Variants in APBB2 observed in about 807,000 individuals in gnomAD.
APBB2 encodes Fe65-like 1.
In APBB2, 38 loss-of-function variants were observed where a neutral mutation model predicts 82.5. The observed-to-expected ratio is 0.46, with a 90% CI of 0.36 to 0.60. The LOEUF (loss-of-function observed/expected upper bound fraction) is 0.60, where lower values mean the gene tolerates loss of function less well. APBB2 is among the 20% of genes least tolerant of loss of function. The pLI is 0.00. For synonymous variants in APBB2, 341 were observed against 368.2 expected, an observed-to-expected ratio of 0.93 and a Z score of 0.85; for missense variants, 772 against 972.3, an observed-to-expected ratio of 0.79 and a Z score of 2.74.
In APBB2 at chr4:40,832,705, T is replaced by C. The variant is rs1048795197; in HGVS notation, c.1530-2128A>G. Among the ~76,000 whole-genome samples, 2 of 152,104 alleles carry C rather than the reference T, an allele frequency of 1.3e-5. 1 individual carries two copies. Among genetic ancestry groups the C allele is most frequent in the South Asian group, 4.1e-4 (2 of 4,826 alleles). On this transcript the variant is annotated intron_variant, in intron 12 of 17. Transcript: ENST00000508593. This position sits in a 1 kb window ranked among gnomAD's most constrained non-coding sequence, Gnocchi z 4.8. ...TGAAGATGGGTGAGAGCCTGGAAGG[T>C]TCCTCGCACACACAGTACATACACG...
At chr4:40,935,056 A>C (rs1205952465) in intron 8 of APBB2, 21 bp downstream of exon 8, 3 of 1,506,442 alleles carry the variant, frequency 2.0e-6, no homozygotes, top group Admixed American at 4.1e-5. Flanking sequence ...TAAATGATCT[A>C]AGATCTGACA....
At chr4:41,146,424 G>T (rs528802751) in intron 1 of APBB2, among the ~76,000 whole-genome samples, 7 of 151,800 alleles carry the variant, frequency 4.6e-5, no homozygotes, top group African/African-American at 1.7e-4. Context: ...ATCCTGGGCG[G>T]TTGAGGCTGC....
At chr4:40,937,809 T>C (rs1338119424) in intron 7 of APBB2, among the ~76,000 whole-genome samples, 1 of 152,246 alleles carries the variant, frequency 6.6e-6, no homozygotes, top group East Asian at 1.9e-4. Flanking sequence ...TTTTAAGAAT[T>C]ACATGGTCTA....
At position 40,827,024 on chromosome 4, in the gene APBB2, G is replaced by A. The variant is rs906987821; in HGVS notation, c.1732+108C>T. On this transcript the variant is annotated intron_variant, in intron 14 of 17. Transcript: ENST00000508593. ...GCTCAACTTGTGCTTACTGAGTTGA[G>A]TGTGCTCTTTAAGGAGACTTGAAAT... 4 of 979,792 alleles carry A rather than the reference G, an allele frequency of 4.1e-6. No individual in the cohort carries two copies. The African/African-American group carries it at 4.9e-5, about 12-fold the overall frequency. The allele number at this position is 979,792 out of a possible 1,614,324, so 60.7% of individuals were successfully genotyped here.
chr4:41,071,253 T>C (rs1210495652), intron 3 of APBB2, among the ~76,000 whole-genome samples: 3 of 152,236 alleles, frequency 2.0e-5, no homozygotes, highest in African/African-American at 7.2e-5. Flanking sequence ...GCAACAATTT[T>C]TAATAGAAAG....
chr4:41,174,452 G>A (rs890018074), intron 1 of APBB2, among the ~76,000 whole-genome samples: 2 of 152,036 alleles, frequency 1.3e-5, no homozygotes, highest in African/African-American at 4.8e-5. Flanking sequence ...GAACATGACT[G>A]ATGTTTGAGC....
chr4:40,824,075 C>T (rs1748993847), intron 15 of APBB2, among the ~76,000 whole-genome samples: 1 of 152,118 alleles, frequency 6.6e-6, no homozygotes, highest in African/African-American at 2.4e-5. Flanking sequence ...TTGCTTGAAC[C>T]CAGGAGGCGG....
At chr4:41,145,271 G>T (rs1330349045) in intron 1 of APBB2, among the ~76,000 whole-genome samples, 2 of 152,170 alleles carry the variant, frequency 1.3e-5, no homozygotes, top group African/African-American at 4.8e-5. Context: ...TTTACACTGG[G>T]GCCTTGGCAA....
intron 16 of APBB2, 139 bp from the exon 17 acceptor site, chr4:40,822,189 C>A (rs1367198097): frequency 4.0e-6 from 4 of 988,952 alleles, no homozygotes; most frequent in Non-Finnish European, 6.0e-6. Context: ...AAAGGCGGAA[C>A]CTTGCCCAAA....
chr4:40,929,437 C>T (rs1229282652), intron 10 of APBB2, among the ~76,000 whole-genome samples: 2 of 152,146 alleles, frequency 1.3e-5, no homozygotes, highest in Non-Finnish European at 2.9e-5. Flanking sequence ...GTAGCTGGCA[C>T]TACAGGCACC....
rs1206019924 is a variant in APBB2 at position 40,890,371 on chromosome 4, T to C, written c.1522A>G (p.Asn508Asp). 1 of 1,612,394 alleles carries C rather than the reference T, an allele frequency of 6.2e-7. No individual in the cohort carries two copies. ...SIRVWGVGRDNGRDFAYVARD... is the reference protein window; with the variant it reads ...SIRVWGVGRDDGRDFAYVARD... ...CCCCACCCAGGGACTCACCGGCCAT[T>C]GTCGCGGCCCACGCCCCACACGCGG... Residue 508 changes from asparagine (N) to aspartate (D), a missense_variant, in exon 12 of 18, where the codon AAT (asparagine) becomes GAT (aspartate). Coordinates refer to ENST00000508593, the MANE Select transcript of APBB2 (RefSeq NM_004307.2).
At chr4:40,818,885 T>C (rs1746771374) in intron 17 of APBB2, among the ~76,000 whole-genome samples, 1 of 152,158 alleles carries the variant, frequency 6.6e-6, no homozygotes, top group African/African-American at 2.4e-5. Flanking sequence ...CTCATCCTTT[T>C]AACATTTTTA....
At chr4:40,906,389 A>T (rs1466211204) in intron 10 of APBB2, among the ~76,000 whole-genome samples, 2 of 144,230 alleles carry the variant, frequency 1.4e-5, no homozygotes, top group African/African-American at 5.2e-5. Flanking sequence ...GAATGGCTTG[A>T]CTGGGAGGCA....
chr4:40,936,261 AAT>A (rs1397657068), intron 7 of APBB2, among the ~76,000 whole-genome samples: 1 of 152,140 alleles, frequency 6.6e-6, no homozygotes, highest in Admixed American at 6.6e-5. Context: ...TTTGTTTAAA[AAT>A]TTTTTTGAGA....
At chr4:41,198,275 G>A in intron 1 of APBB2, among the ~76,000 whole-genome samples, 4 of 152,188 alleles carry the variant, frequency 2.6e-5, no homozygotes, top group Admixed American at 6.5e-5. Context: ...AGGAATAAGC[G>A]CCTGATGGAT....
In APBB2 at chr4:40,929,546, G is replaced by A. The variant is rs1783553856; in HGVS notation, c.1254+4910C>T. Among the ~76,000 whole-genome samples, 4 of 152,272 alleles carry A rather than the reference G, an allele frequency of 2.6e-5. No homozygotes were observed. The South Asian group carries it at 8.3e-4, about 32-fold the overall frequency. ...GATCTCCTGACCTCGTGATCCACCC[G>A]CCGTGGCCTCCCAGAGTGCTGGGAT... On this transcript the variant is annotated intron_variant, in intron 10 of 17. Coordinates refer to ENST00000508593, the MANE Select transcript of APBB2 (RefSeq NM_004307.2).
intron 1 of APBB2, among the ~76,000 whole-genome samples, chr4:41,147,719 C>T (rs1441558749): frequency 1.3e-5 from 2 of 152,026 alleles, no homozygotes; most frequent in African/African-American, 4.8e-5. Context: ...AAACTCCTGA[C>T]CTCAGGTGAT....
chr4:41,077,685 CA>C (rs1200014745), intron 3 of APBB2, among the ~76,000 whole-genome samples: 1 of 151,832 alleles, frequency 6.6e-6, no homozygotes, highest in Non-Finnish European at 1.5e-5. Context: ...TGCCAGATCT[CA>C]AAAAAATTCC....
Position 41,105,885 on chromosome 4 carries a change from C to CAAA in APBB2, c.-260-5138_-260-5136dup, listed in dbSNP as rs34109241. On this transcript the variant is annotated intron_variant, in intron 2 of 17. Coordinates refer to ENST00000508593, the MANE Select transcript of APBB2 (RefSeq NM_004307.2). ...TGGGCGACAGAGCGAGACCCCGTCT[C>CAAA]AAAAAAAAAAAAAAAAGAATTAACC... Among the ~76,000 whole-genome samples, 6 of 114,502 alleles carry CAAA rather than the reference C, an allele frequency of 5.2e-5. No homozygotes were observed. The South Asian group carries it at 9.4e-4, about 18-fold the overall frequency. The allele number at this position is 114,502 out of a possible 152,430, so 75.1% of individuals were successfully genotyped here. A position where few individuals can be genotyped will look rare whatever the true frequency, so the allele number is the denominator to read the frequency against.
Sources: allele counts gnomAD v4.1 joint callset (sites outside exome capture counted in the v4.1 genomes callset), GRCh38; gene constraint gnomAD v4.1.1; non-coding constraint Gnocchi (gnomAD v3.1); transcripts MANE v1.5; gene names NCBI Gene and HGNC (gene_info 2026-07-23, HGNC 2026-07-21).